MSI2: variants seen among roughly 807,000 people sequenced by gnomAD.
The protein encoded by MSI2 is musashi RNA binding protein 2.
A neutral mutation model predicts 45.6 loss-of-function variants in MSI2; 17 were observed. The observed-to-expected ratio is 0.37, with a 90% CI of 0.26 to 0.56. The LOEUF (loss-of-function observed/expected upper bound fraction) is 0.56. Among genes scored for constraint, MSI2 ranks in the 20% least tolerant of loss-of-function variants. MSI2 has a pLI of 0.77. For synonymous variants in MSI2, 156 were observed against 158.2 expected (o/e 0.99, Z 0.11); for missense variants, 293 against 444.2 (o/e 0.66, Z 3.06).
chr17:57,464,231 C>G (rs1280928511), intron 6 of MSI2, among the ~76,000 whole-genome samples: 1 of 151,952 alleles, frequency 6.6e-6, no homozygotes, highest in Non-Finnish European at 1.5e-5. Context: ...TCACTTGAGC[C>G]CAGGAGTTTG....
At chr17:57,359,448 G>A (rs1422034347) in intron 5 of MSI2, among the ~76,000 whole-genome samples, 2 of 152,142 alleles carry the variant, frequency 1.3e-5, no homozygotes, top group Admixed American at 1.3e-4. Flanking sequence ...GTAATTCTGG[G>A]GGGCGGACTT....
At chr17:57,675,196 G>T in intron 12 of MSI2, 70 bp downstream of exon 12, 1 of 1,475,004 alleles carries the variant, frequency 6.8e-7, no homozygotes, top group South Asian at 1.3e-5. Context: ...CTGTGGGTGT[G>T]CCAGGAAAGC....
chr17:57,502,046 C>A (rs2086118241), intron 6 of MSI2, among the ~76,000 whole-genome samples: 1 of 152,126 alleles, frequency 6.6e-6, no homozygotes, highest in Non-Finnish European at 1.5e-5. Flanking sequence ...TCCTCCACTC[C>A]TGGGCTATAG....
intron 7 of MSI2, among the ~76,000 whole-genome samples, chr17:57,575,320 C>G (rs918327596): frequency 6.6e-6 from 1 of 152,076 alleles, no homozygotes; most frequent in East Asian, 1.9e-4. Context: ...GATGCTCAAA[C>G]GTCCTATCTT....
intron 5 of MSI2, among the ~76,000 whole-genome samples, chr17:57,381,353 A>G (rs2083594473): frequency 6.6e-6 from 1 of 152,102 alleles, no homozygotes; most frequent in Non-Finnish European, 1.5e-5. Flanking sequence ...GGCGTGAGCC[A>G]CCGTGCCTGG....
intron 6 of MSI2, among the ~76,000 whole-genome samples, chr17:57,507,223 C>CTGTGTG (rs1436640773): frequency 4.4e-4 from 48 of 109,882 alleles, no homozygotes; most frequent in South Asian, 2.7e-3. Flanking sequence ...GTCTTTGTCT[C>CTGTGTG]TCTGTGTGTG....
intron 10 of MSI2, chr17:57,632,038 G>A: frequency 7.4e-7 from 1 of 1,346,006 alleles, no homozygotes; most frequent in Non-Finnish European, 9.5e-7. Flanking sequence ...TTATTCTCCA[G>A]TCCCCTCCCA....
At chr17:57,430,451 AC>A (rs2084573792) in intron 6 of MSI2, among the ~76,000 whole-genome samples, 1 of 151,822 alleles carries the variant, frequency 6.6e-6, no homozygotes, top group Non-Finnish European at 1.5e-5. Flanking sequence ...TCTTCTTTGT[AC>A]CCCCTGCCCC....
rs2084704244 is a variant in MSI2 at position 57,437,103 on chromosome 17, G to A, written c.405+35632G>A. Among the ~76,000 whole-genome samples, 3 of 152,154 alleles carry A rather than the reference G, an allele frequency of 2.0e-5. No individual in the cohort carries two copies. In the South Asian group the frequency reaches 6.2e-4, roughly 32 times the overall value. Reference sequence around the variant, plus strand: ...TATTTTCCATCTTCCTGATGAGGAGGGAATTTCAGGAAGAACATTTTTGGT... The same window carrying A: ...TATTTTCCATCTTCCTGATGAGGAGAGAATTTCAGGAAGAACATTTTTGGT... On this transcript the variant is annotated intron_variant, in intron 6 of 13. Coordinates refer to ENST00000284073, the MANE Select transcript of MSI2 (RefSeq NM_138962.4).
At chr17:57,456,214 C>T (rs1160684086) in intron 6 of MSI2, among the ~76,000 whole-genome samples, 2 of 152,132 alleles carry the variant, frequency 1.3e-5, no homozygotes, top group African/African-American at 2.4e-5. Flanking sequence ...GCAGGGAACT[C>T]GGGGTGCACA....
chr17:57,459,599 C>T (rs1022039367), intron 6 of MSI2, among the ~76,000 whole-genome samples: 3 of 152,154 alleles, frequency 2.0e-5, no homozygotes, highest in African/African-American at 7.2e-5. Flanking sequence ...TTTATTCAGG[C>T]ACCAGTTGCA....
At chr17:57,691,217 A>G in the MSI2 span, among the ~76,000 whole-genome samples, 1 of 150,132 alleles carries the variant, frequency 6.7e-6, no homozygotes, top group Non-Finnish European at 1.5e-5. Context: ...CTATCTATCT[A>G]TCTATCTATC....
chr17:57,504,555 G>T (rs928792834), intron 6 of MSI2, among the ~76,000 whole-genome samples: 1 of 152,200 alleles, frequency 6.6e-6, no homozygotes, highest in Non-Finnish European at 1.5e-5. Flanking sequence ...AAGTAACCGG[G>T]TCACAGTCAG....
chr17:57,476,272 C>T (rs970721287), intron 6 of MSI2, among the ~76,000 whole-genome samples: 2 of 152,146 alleles, frequency 1.3e-5, no homozygotes, highest in Non-Finnish European at 2.9e-5. Flanking sequence ...TGAGGCTTCC[C>T]TCCCCTCCTC....
chr17:57,341,565 T>C (rs1403051611), intron 5 of MSI2, among the ~76,000 whole-genome samples: 2 of 152,226 alleles, frequency 1.3e-5, no homozygotes, highest in African/African-American at 4.8e-5. Context: ...AGGTGAGCCC[T>C]CCTCTTTCAC....
intron 6 of MSI2, among the ~76,000 whole-genome samples, chr17:57,441,879 A>T (rs1355846052): frequency 6.6e-6 from 1 of 152,044 alleles, no homozygotes; most frequent in African/African-American, 2.4e-5. Context: ...TTTCATTATT[A>T]TTTCACTATT....
chr17:57,385,108 A>G (rs1285387275), intron 5 of MSI2, among the ~76,000 whole-genome samples: 1 of 152,140 alleles, frequency 6.6e-6, no homozygotes, highest in Non-Finnish European at 1.5e-5. Context: ...AACTATTATG[A>G]TAAGCTCCTA....
At chr17:57,357,337 G>C (rs939362415) in intron 5 of MSI2, among the ~76,000 whole-genome samples, 1 of 152,106 alleles carries the variant, frequency 6.6e-6, no homozygotes, top group African/African-American at 2.4e-5. Context: ...CCCAGAGTCA[G>C]AGTCCACCGC....
intron 5 of MSI2, among the ~76,000 whole-genome samples, chr17:57,397,954 G>A (rs1050184044): frequency 1.3e-5 from 2 of 152,146 alleles, no homozygotes; most frequent in Non-Finnish European, 2.9e-5. Context: ...TAGTAACTTG[G>A]ACACTTTGGT....
Sources: gnomAD v4.1 joint callset for allele counts (sites outside exome capture counted in the v4.1 genomes callset) on GRCh38, gnomAD v4.1.1 for gene constraint, MANE v1.5 for transcripts, NCBI Gene and HGNC (gene_info 2026-07-23, HGNC 2026-07-21) for gene names.